CYREN: variants seen among roughly 807,000 people sequenced by gnomAD.
The protein encoded by CYREN is cell cycle regulator of NHEJ.
CYREN carries 7 observed loss-of-function variants against 9.7 expected under a neutral mutation model. That is an observed-to-expected ratio of 0.72 (90% CI 0.41 to 1.36). The LOEUF (loss-of-function observed/expected upper bound fraction) is 1.36. Among genes scored for constraint, CYREN ranks in the 40% most tolerant of loss-of-function variants. The pLI, the probability that CYREN is intolerant of heterozygous loss-of-function variation, is 0.01. For synonymous variants in CYREN, 76 were observed against 77.9 expected, an observed-to-expected ratio of 0.98 and a Z score of 0.13; for missense variants, 215 against 198.1, an observed-to-expected ratio of 1.09 and a Z score of -0.51.
intron 2 of CYREN, among the ~76,000 whole-genome samples, chr7:135,144,004 G>A (rs1180342748): frequency 6.6e-6 from 1 of 152,090 alleles, no homozygotes; most frequent in East Asian, 1.9e-4. Flanking sequence ...AAGGGCTATG[G>A]TATCTCCCCT....
chr7:135,153,476 A>T (rs1167943268), intron 2 of CYREN, among the ~76,000 whole-genome samples: 2 of 151,078 alleles, frequency 1.3e-5, no homozygotes, highest in Non-Finnish European at 3.0e-5. Flanking sequence ...AAAAAAAAAA[A>T]GTCTAAAAAC....
At position 135,151,651 on chromosome 7, in the gene CYREN, G is replaced by A. The variant is rs1829669654; in HGVS notation, n.356+17098C>T. On this transcript the variant is annotated intron_variant and non_coding_transcript_variant, in intron 2 of 2. Transcript: ENST00000459937. This position sits in a 1 kb window ranked among gnomAD's most constrained non-coding sequence, Gnocchi z 4.3. ...GAGCAGACACATTGACCCAGTTTGTGTCAGGCCCCAAGCCCTCTATATGTG... is the reference window on the plus strand; with the variant it reads ...GAGCAGACACATTGACCCAGTTTGTATCAGGCCCCAAGCCCTCTATATGTG... 6.6e-6 allele frequency among the ~76,000 whole-genome samples: 1 copy of A among 152,168 alleles called. No homozygotes were observed. Among genetic ancestry groups the A allele is most frequent in the Admixed American group, 6.5e-5 (1 of 15,278 alleles).
chr7:135,126,763 T>C (rs192646327), intron 2 of CYREN, among the ~76,000 whole-genome samples: 1 of 152,288 alleles, frequency 6.6e-6, no homozygotes, highest in Admixed American at 6.5e-5. Flanking sequence ...AAACAAGCAA[T>C]GGGGAAAGGA....
upstream of CYREN, among the ~76,000 whole-genome samples, chr7:135,171,333 AAAAG>A (rs1405748961): frequency 6.6e-6 from 1 of 151,858 alleles, no homozygotes; most frequent in African/African-American, 2.4e-5. Context: ...TTTTAAAAAA[AAAAG>A]GAAGTGAAAT....
chr7:135,147,716 G>A, intron 2 of CYREN: 1 of 454,070 alleles, frequency 2.2e-6, no homozygotes, highest in Non-Finnish European at 4.4e-6. Flanking sequence ...AGTAGGAGGT[G>A]ACCTGGGTCC....
chr7:135,106,191 C>A (rs1824687393), intron 2 of CYREN, among the ~76,000 whole-genome samples: 1 of 152,004 alleles, frequency 6.6e-6, no homozygotes, highest in Admixed American at 6.6e-5. Flanking sequence ...AGTCTGAATT[C>A]CGCTCTTCCT....
intron 2 of CYREN, among the ~76,000 whole-genome samples, chr7:135,125,910 T>C (rs138165096): frequency 0.012 from 1,763 of 152,326 alleles, 30 homozygotes; most frequent in African/African-American, 0.04. Flanking sequence ...TAATGAGAGC[T>C]ATTTATGACA....
chr7:135,117,446 T>C (rs1826484692), intron 2 of CYREN, among the ~76,000 whole-genome samples: 1 of 151,840 alleles, frequency 6.6e-6, no homozygotes, highest in Non-Finnish European at 1.5e-5. Context: ...GCACATTAAC[T>C]AGTTTCTCCT....
intron 2 of CYREN, among the ~76,000 whole-genome samples, chr7:135,106,122 A>ACGG (rs1824675434): frequency 6.6e-6 from 1 of 152,152 alleles, no homozygotes; most frequent in Non-Finnish European, 1.5e-5. Flanking sequence ...TTGTCAGCTG[A>ACGG]AGGAGCTTTT....
intron 2 of CYREN, among the ~76,000 whole-genome samples, chr7:135,144,250 G>A (rs913327535): frequency 2.0e-5 from 3 of 152,210 alleles, no homozygotes; most frequent in African/African-American, 7.2e-5. Context: ...AGGCTACTAC[G>A]CCACTCAGGA....
At chr7:135,096,691 C>A (rs1388494759) in intron 2 of CYREN, among the ~76,000 whole-genome samples, 1 of 105,824 alleles carries the variant, frequency 9.4e-6, no homozygotes, top group Non-Finnish European at 2.0e-5. Context: ...TAGAACATCA[C>A]CAAAAAAGAA....
rs778386258 is a variant in CYREN, at chr7:135,096,566, T to A, written n.357-1984A>T. Among the ~76,000 whole-genome samples the A allele has an allele frequency of 3.0e-3, 82 of 27,158 alleles. 3 individuals are homozygous for A. The highest frequency in any genetic ancestry group is 4.3e-3 in the Non-Finnish European group (50 of 11,600). The allele number at this position is 27,158 out of a possible 152,430, so 17.8% of individuals were successfully genotyped here. ...AAAGAAAGAAAGAAAGAAAGATAGATAGATAGATAGATAGATACATAGATA... is the reference window on the plus strand; with the variant it reads ...AAAGAAAGAAAGAAAGAAAGATAGAAAGATAGATAGATAGATACATAGATA... On this transcript the variant is annotated intron_variant and non_coding_transcript_variant, in intron 2 of 2. Transcript: ENST00000459937.
chr7:135,094,428 T>C, exon 3 of CYREN: 1 of 456,660 alleles, frequency 2.2e-6, no homozygotes, highest in Non-Finnish European at 4.4e-6. Context: ...ACTTAAACAG[T>C]GATTTTAACA....
At chr7:135,115,857 T>C (rs1826244947) in intron 2 of CYREN, 1 of 396,240 alleles carries the variant, frequency 2.5e-6, no homozygotes, top group East Asian at 4.3e-5. Context: ...GATCTATTAA[T>C]AAAGTAGGCA....
downstream of CYREN, among the ~76,000 whole-genome samples, chr7:135,162,254 A>G (rs910874632): frequency 2.6e-5 from 4 of 152,118 alleles, no homozygotes; most frequent in African/African-American, 4.8e-5. Context: ...AGGGCTGTGT[A>G]GCCTTCAGGT....
At chr7:135,139,519 T>A (rs917132385) in intron 2 of CYREN, among the ~76,000 whole-genome samples, 2 of 151,928 alleles carry the variant, frequency 1.3e-5, no homozygotes. Flanking sequence ...TCTCCCCTTC[T>A]ATAGGCTGTT....
At chr7:135,162,996 T>C (rs927463583), downstream of CYREN, among the ~76,000 whole-genome samples, 1 of 152,232 alleles carries the variant, frequency 6.6e-6, no homozygotes, top group Non-Finnish European at 1.5e-5. Flanking sequence ...CTAAAAGATA[T>C]TTCTACCCTT....
At chr7:135,148,570 G>C (rs1183727180) in intron 2 of CYREN, among the ~76,000 whole-genome samples, 7 of 152,214 alleles carry the variant, frequency 4.6e-5, no homozygotes, top group African/African-American at 1.4e-4. Context: ...ACTGCACACA[G>C]CAGAGTCTTG....
intron 2 of CYREN, among the ~76,000 whole-genome samples, chr7:135,104,409 T>A (rs1210357439): frequency 2.0e-5 from 3 of 152,216 alleles, no homozygotes; most frequent in Non-Finnish European, 4.4e-5. Flanking sequence ...TGTATTTTTA[T>A]GATAAAATGA....
Sources: gnomAD v4.1 joint callset for allele counts (sites outside exome capture counted in the v4.1 genomes callset) on GRCh38, gnomAD v4.1.1 for gene constraint, Gnocchi (gnomAD v3.1) non-coding constraint, MANE v1.5 for transcripts, NCBI Gene and HGNC (gene_info 2026-07-23, HGNC 2026-07-21) for gene names.